Variants in SDK1 observed in about 807,000 individuals in gnomAD.
SDK1 encodes sidekick cell adhesion molecule 1.
In SDK1, 157 loss-of-function variants were observed where a neutral mutation model predicts 245.5. That is an observed-to-expected ratio of 0.64 (90% confidence interval 0.56 to 0.73). The LOEUF is 0.73. Ranked by LOEUF, SDK1 falls within the 30% of genes least tolerant of loss-of-function variation. The pLI is 0.00. For missense variants in SDK1, 3,583 were observed against 3,002.3 expected (o/e 1.19, Z -4.52); for synonymous variants, 1,647 against 1,278.5 (o/e 1.29, Z -6.15).
intron 4 of SDK1, among the ~76,000 whole-genome samples, chr7:3,670,620 A>G (rs183477603): frequency 6.6e-6 from 1 of 152,054 alleles, no homozygotes; most frequent in African/African-American, 2.4e-5. Context: ...GCCCCCAGTA[A>G]ATGTTAGATT....
chr7:3,699,415 C>A (rs1290739659), intron 4 of SDK1, among the ~76,000 whole-genome samples: 2 of 151,880 alleles, frequency 1.3e-5, no homozygotes, highest in Non-Finnish European at 2.9e-5. Context: ...TCAAAGCAAT[C>A]GAAAGTCTCA....
At chr7:4,070,630 G>C (rs562408226) in intron 20 of SDK1, among the ~76,000 whole-genome samples, 3 of 152,018 alleles carry the variant, frequency 2.0e-5, no homozygotes, top group Admixed American at 2.0e-4. Context: ...GTAATCATCT[G>C]TGCCAACCAG....
At chr7:4,205,042 C>T (rs866363373) in intron 35 of SDK1, among the ~76,000 whole-genome samples, 1 of 75,378 alleles carries the variant, frequency 1.3e-5, no homozygotes, top group African/African-American at 8.9e-5. Context: ...CTCATGTGTC[C>T]TTTGGTTTGC....
chr7:4,131,506 G>A (rs1270780843), intron 27 of SDK1, among the ~76,000 whole-genome samples: 1 of 152,324 alleles, frequency 6.6e-6, no homozygotes, highest in African/African-American at 2.4e-5. Flanking sequence ...AGGGACAGAC[G>A]TCAGCGGCCC....
At chr7:3,693,640 G>GT (rs1311885887) in intron 4 of SDK1, among the ~76,000 whole-genome samples, 6 of 151,652 alleles carry the variant, frequency 4.0e-5, no homozygotes, top group East Asian at 1.9e-4. Context: ...TCTTTTTATT[G>GT]TTTTTTTCTG....
chr7:3,528,350 T>C (rs894388738), intron 1 of SDK1, among the ~76,000 whole-genome samples: 1 of 135,364 alleles, frequency 7.4e-6, no homozygotes, highest in African/African-American at 2.8e-5. Flanking sequence ...GGTTGAGTGG[T>C]GGGAGGTGAG....
At chr7:3,526,472 A>T (rs1783137297) in intron 1 of SDK1, among the ~76,000 whole-genome samples, 1 of 152,224 alleles carries the variant, frequency 6.6e-6, no homozygotes, top group Non-Finnish European at 1.5e-5. Context: ...TTTCTATAAC[A>T]TATAGTTTCC....
At position 4,145,898 on chromosome 7, in the gene SDK1, A is replaced by G. The variant is rs1779938737; in HGVS notation, c.4405A>G (p.Ile1469Val). The G allele has an allele frequency of 2.5e-6, 4 of 1,594,494 alleles. No individual in the cohort carries two copies. Among genetic ancestry groups the G allele is most frequent in the Admixed American group, 1.7e-5 (1 of 57,802 alleles). The part of the protein sequence containing the change: ...GWGEPLEATV[I>V]TTEKRERPAP... ...GGGGGAGCCACTGGAGGCCACCGTCATCACCACCGAGAAGAGAGGTAAGAC... is the reference window on the plus strand; with the variant it reads ...GGGGGAGCCACTGGAGGCCACCGTCGTCACCACCGAGAAGAGAGGTAAGAC... Residue 1469 changes from isoleucine to valine, a missense_variant, in exon 29 of 45, where the codon ATC becomes GTC. Physicochemically the swap from Ile to Val is conservative, Grantham distance 29. Coordinates refer to ENST00000404826, the MANE Select transcript of SDK1 (RefSeq NM_152744.4).
intron 4 of SDK1, among the ~76,000 whole-genome samples, chr7:3,741,435 C>G (rs886747885): frequency 6.6e-6 from 1 of 152,182 alleles, no homozygotes; most frequent in Admixed American, 6.5e-5. Flanking sequence ...CATGCCATAT[C>G]TGTGTGAAGC....
intron 1 of SDK1, among the ~76,000 whole-genome samples, chr7:3,335,069 T>G (rs1416663826): frequency 6.6e-6 from 1 of 152,214 alleles, no homozygotes. Context: ...CAGTCACTTA[T>G]AATCAGCCTT....
intron 35 of SDK1, among the ~76,000 whole-genome samples, chr7:4,200,081 T>A (rs1489934456): frequency 6.6e-6 from 1 of 151,758 alleles, no homozygotes; most frequent in Non-Finnish European, 1.5e-5. Context: ...TGTGACAGAG[T>A]GATACTCCAT....
intron 22 of SDK1, among the ~76,000 whole-genome samples, chr7:4,104,676 T>TTG (rs2128188492): frequency 6.6e-6 from 1 of 152,282 alleles, no homozygotes; most frequent in East Asian, 1.9e-4. Context: ...CACTATATAT[T>TTG]TGTATGAGAA....
intron 7 of SDK1, among the ~76,000 whole-genome samples, chr7:3,952,507 C>T (rs1256419174): frequency 6.6e-6 from 1 of 152,082 alleles, no homozygotes; most frequent in Non-Finnish European, 1.5e-5. Flanking sequence ...CACTTGAACC[C>T]AGGAGGCAGA....
intron 1 of SDK1, among the ~76,000 whole-genome samples, chr7:3,615,471 T>A (rs1052574297): frequency 4.0e-5 from 6 of 151,758 alleles, no homozygotes; most frequent in African/African-American, 1.2e-4. Flanking sequence ...AACTCCTGAC[T>A]TTGAGTTACA....
intron 5 of SDK1, among the ~76,000 whole-genome samples, chr7:3,848,016 C>G (rs572397152): frequency 2.6e-4 from 40 of 152,364 alleles, no homozygotes; most frequent in Admixed American, 2.0e-3. Flanking sequence ...TCTACCCATA[C>G]ACACATGTGC....
At chr7:3,758,403 A>T (rs1401448486) in intron 4 of SDK1, among the ~76,000 whole-genome samples, 5 of 152,080 alleles carry the variant, frequency 3.3e-5, no homozygotes, top group Admixed American at 6.6e-5. Context: ...TATTTATATC[A>T]TTTTGGATAT....
At chr7:3,961,048 A>G (rs1781639733) in intron 8 of SDK1, among the ~76,000 whole-genome samples, 2 of 152,340 alleles carry the variant, frequency 1.3e-5, no homozygotes, top group African/African-American at 2.4e-5. Flanking sequence ...GACAAGAGAA[A>G]GCTCTGTTTT....
At position 4,065,694 on chromosome 7, in the gene SDK1, GTTTTTTTTTTTTTTTTTTTT is replaced by G. The variant is rs749991713; in HGVS notation, c.2912-2128_2912-2109del. Among the ~76,000 whole-genome samples, 28 of 66,768 alleles carry G rather than the reference GTTTTTTTTTTTTTTTTTTTT, an allele frequency of 4.2e-4. No homozygotes were observed. The East Asian group carries it at 0.024, about 56-fold the overall frequency. The allele number at this position is 66,768 out of a possible 152,430, so 43.8% of individuals were successfully genotyped here. A position where few individuals can be genotyped will look rare whatever the true frequency, so the allele number is the denominator to read the frequency against. ...AGTTTCACCCAGATGAGTGGTTGTT[GTTTTTTTTTTTTTTTTTTTT>G]TTTTTTTTTTTTTTTGAGGCTGTTA... On this transcript the variant is annotated intron_variant, in intron 19 of 44. Coordinates refer to ENST00000404826, the MANE Select transcript of SDK1 (RefSeq NM_152744.4).
chr7:3,866,625 G>C (rs966997469), intron 5 of SDK1, among the ~76,000 whole-genome samples: 1 of 152,156 alleles, frequency 6.6e-6, no homozygotes, highest in African/African-American at 2.4e-5. Context: ...TTCCACGGAG[G>C]TCGTGGACTC....
Sources: gnomAD v4.1 joint callset for allele counts (sites outside exome capture counted in the v4.1 genomes callset) on GRCh38, gnomAD v4.1.1 for gene constraint, MANE v1.5 for transcripts, NCBI Gene and HGNC (gene_info 2026-07-23, HGNC 2026-07-21) for gene names.